Variants in KCNU1 observed in about 807,000 individuals in gnomAD.
KCNU1 encodes potassium calcium-activated channel subfamily U member 1, also known as potassium channel subfamily U member 1.
A neutral mutation model predicts 126.8 loss-of-function variants in KCNU1; 93 were observed. The observed-to-expected ratio is 0.73, with a 90% CI of 0.62 to 0.87. KCNU1 has a LOEUF of 0.87. KCNU1 is among the 40% of genes least tolerant of loss of function. KCNU1 has a pLI of 0.00. For synonymous variants in KCNU1, 523 were observed against 494.2 expected (o/e 1.06, Z -0.77); for missense variants, 1,330 against 1,367.1 (o/e 0.97, Z 0.43).
chr8:36,869,174 A>C (rs1384530618), intron 19 of KCNU1, among the ~76,000 whole-genome samples: 1 of 152,202 alleles, frequency 6.6e-6, no homozygotes, highest in African/African-American at 2.4e-5. Flanking sequence ...CTTTCTAAAA[A>C]GTAGGTGCGA....
At chr8:36,796,531 T>C (rs755990547) in intron 2 of KCNU1, among the ~76,000 whole-genome samples, 10 of 152,220 alleles carry the variant, frequency 6.6e-5, no homozygotes, top group Non-Finnish European at 1.0e-4. Context: ...TCTTATACGA[T>C]ATCCACTGAT....
intron 10 of KCNU1, among the ~76,000 whole-genome samples, chr8:36,819,890 C>G (rs759836572): frequency 6.6e-6 from 1 of 152,154 alleles, no homozygotes; most frequent in Non-Finnish European, 1.5e-5. Flanking sequence ...TCTGGGCTGA[C>G]CTGTGGCTTA....
At chr8:36,877,676 C>T (rs910170052) in intron 19 of KCNU1, among the ~76,000 whole-genome samples, 1 of 151,874 alleles carries the variant, frequency 6.6e-6, no homozygotes, top group Non-Finnish European at 1.5e-5. Flanking sequence ...CTGAAATATA[C>T]TCTGGTGTGG....
intron 23 of KCNU1, among the ~76,000 whole-genome samples, chr8:36,920,714 G>C (rs991990222): frequency 1.3e-5 from 2 of 152,212 alleles, no homozygotes; most frequent in Non-Finnish European, 2.9e-5. Context: ...GGATATTTGT[G>C]TGTGTGTGTG....
intron 18 of KCNU1, among the ~76,000 whole-genome samples, chr8:36,847,823 A>C (rs1172721626): frequency 6.6e-6 from 1 of 152,226 alleles, no homozygotes; most frequent in African/African-American, 2.4e-5. Flanking sequence ...TTTTATAGAT[A>C]CACAGTAGTA....
chr8:36,807,030 G>GT (rs1242941141), intron 5 of KCNU1, among the ~76,000 whole-genome samples: 4 of 152,130 alleles, frequency 2.6e-5, no homozygotes. Context: ...GTTAAATAGA[G>GT]TAAAATGAAT....
chr8:36,845,973 C>A, intron 18 of KCNU1, 74 bp downstream of exon 18: 2 of 884,666 alleles, frequency 2.3e-6, no homozygotes, highest in Non-Finnish European at 3.6e-6. Flanking sequence ...AAGAGGGTTC[C>A]ATCTCTTAAA....
chr8:36,840,086 T>G (rs1408362387), intron 14 of KCNU1, among the ~76,000 whole-genome samples: 1 of 152,218 alleles, frequency 6.6e-6, no homozygotes, highest in African/African-American at 2.4e-5. Flanking sequence ...TAAACCAATC[T>G]TGAGTAGTCA....
At position 36,801,683 on chromosome 8, in the gene KCNU1, T is replaced by C. The variant is rs139173988; in HGVS notation, c.316-2344T>C. Among the ~76,000 whole-genome samples, 292 of 152,206 alleles carry C rather than the reference T, an allele frequency of 1.9e-3. 2 individuals are homozygous for C. The highest frequency in any genetic ancestry group is 6.6e-3 in the African/African-American group (276 of 41,532). On this transcript the variant is annotated intron_variant, in intron 2 of 26. Transcript: ENST00000399881. ...TATTAAATGTATATATGTGTGTATA[T>C]ATACACACACATATATATATCTCCA...
intron 19 of KCNU1, among the ~76,000 whole-genome samples, chr8:36,898,243 C>G (rs1038404957): frequency 1.3e-5 from 2 of 152,024 alleles, no homozygotes; most frequent in African/African-American, 4.8e-5. Flanking sequence ...TTCATATACC[C>G]TGCAATTATT....
intron 2 of KCNU1, 26 bp downstream of exon 2, chr8:36,787,451 G>A (rs1585370706): frequency 1.3e-6 from 2 of 1,583,996 alleles, no homozygotes. Flanking sequence ...GTGTTAGCTT[G>A]CTAACAAACT....
chr8:36,908,059 A>C (rs910950891), intron 20 of KCNU1, among the ~76,000 whole-genome samples: 3 of 152,184 alleles, frequency 2.0e-5, no homozygotes, highest in African/African-American at 7.2e-5. Context: ...ATAGCTAACA[A>C]TAGTACCAGA....
intron 2 of KCNU1, among the ~76,000 whole-genome samples, chr8:36,802,429 A>G (rs1465081339): frequency 6.6e-6 from 1 of 152,148 alleles, no homozygotes; most frequent in East Asian, 1.9e-4. Flanking sequence ...ATTGTTGGCT[A>G]GCTGCTTTGT....
chr8:36,830,156 A>C (rs1481871754), intron 10 of KCNU1, among the ~76,000 whole-genome samples: 1 of 150,600 alleles, frequency 6.6e-6, no homozygotes, highest in Non-Finnish European at 1.5e-5. Context: ...ATAAATATTT[A>C]TAATAAAACA....
At chr8:36,830,310 A>C (rs1804487212) in intron 10 of KCNU1, among the ~76,000 whole-genome samples, 1 of 151,802 alleles carries the variant, frequency 6.6e-6, no homozygotes, top group Non-Finnish European at 1.5e-5. Context: ...AAGCACCTTT[A>C]ATATTTTTTC....
At chr8:36,842,770 A>G (rs1805004528) in intron 16 of KCNU1, among the ~76,000 whole-genome samples, 1 of 152,178 alleles carries the variant, frequency 6.6e-6, no homozygotes, top group African/African-American at 2.4e-5. Context: ...TCCCAGGTTC[A>G]AGTGATTCTC....
chr8:36,907,237 TG>T (rs1392790222), intron 20 of KCNU1, among the ~76,000 whole-genome samples: 1 of 152,138 alleles, frequency 6.6e-6, no homozygotes, highest in East Asian at 1.9e-4. Context: ...CAAGTAGAAA[TG>T]ATCAATTTAA....
At chr8:36,897,214 A>G (rs1330356448) in intron 19 of KCNU1, among the ~76,000 whole-genome samples, 1 of 151,918 alleles carries the variant, frequency 6.6e-6, no homozygotes, top group Admixed American at 6.6e-5. Flanking sequence ...CAAATTGTAG[A>G]ACAATTTCCA....
intron 10 of KCNU1, among the ~76,000 whole-genome samples, chr8:36,831,487 A>G (rs892952610): frequency 1.8e-4 from 27 of 152,044 alleles, no homozygotes; most frequent in African/African-American, 6.0e-4. Flanking sequence ...TGTGGTTTGG[A>G]TTTGCATTTC....
Sources: allele counts gnomAD v4.1 joint callset (sites outside exome capture counted in the v4.1 genomes callset), GRCh38; gene constraint gnomAD v4.1.1; transcripts MANE v1.5; gene names NCBI Gene and HGNC (gene_info 2026-07-23, HGNC 2026-07-21).